The following HIPK2 variants were observed in gnomAD, a reference collection of about 807,000 sequenced individuals.
The protein encoded by HIPK2 is homeodomain interacting protein kinase 2.
HIPK2 carries 27 observed loss-of-function variants against 113.7 expected under a neutral mutation model. The ratio of observed to expected loss-of-function variants is 0.24; its 90% CI spans 0.17 to 0.33. HIPK2 has a LOEUF of 0.33. HIPK2 is among the 10% of genes least tolerant of loss of function. The pLI, the probability that HIPK2 is intolerant of heterozygous loss-of-function variation, is 1.00. For synonymous variants in HIPK2, 631 were observed against 642.2 expected (o/e 0.98, Z 0.26); for missense variants, 1,257 against 1,588.0 (o/e 0.79, Z 3.54).
chr7:139,632,834 T>C (rs4732393), intron 2 of HIPK2, among the ~76,000 whole-genome samples: 35,069 of 151,936 alleles, frequency 0.23, 5,224 homozygotes, highest in Non-Finnish European at 0.34. Flanking sequence ...TCCCAGCACT[T>C]TGGGAAGCTG....
At chr7:139,752,977 C>A (rs78366882) in intron 1 of HIPK2, among the ~76,000 whole-genome samples, 16,941 of 152,254 alleles carry the variant, frequency 0.11, 1,141 homozygotes, top group Non-Finnish European at 0.16. Flanking sequence ...ACTGGGAAAT[C>A]AATTCCCAGT....
chr7:139,651,250 T>C (rs2116470021), intron 2 of HIPK2, among the ~76,000 whole-genome samples: 1 of 152,252 alleles, frequency 6.6e-6, no homozygotes, highest in Non-Finnish European at 1.5e-5. Flanking sequence ...TGAGGAGGAC[T>C]TCCAAGCACC....
In HIPK2 at chr7:139,606,579, G is replaced by A. The variant is rs532002374; in HGVS notation, c.2113-2356C>T. Among the ~76,000 whole-genome samples, 3 of 152,280 alleles carry A rather than the reference G, an allele frequency of 2.0e-5. No individual in the cohort carries two copies. In the South Asian group the frequency reaches 6.2e-4, roughly 32 times the overall value. On this transcript the variant is annotated intron_variant, in intron 9 of 14. Coordinates refer to ENST00000406875, the MANE Select transcript of HIPK2 (RefSeq NM_022740.5). Reference sequence around the variant, plus strand: ...ACAGACTGAAGGAATCTAAGATCAGGTCTTCATTTCCCCTTAGTTCCCAGA... The same window carrying A: ...ACAGACTGAAGGAATCTAAGATCAGATCTTCATTTCCCCTTAGTTCCCAGA...
At chr7:139,575,575 AAGGCC>A (rs1462841643) in intron 13 of HIPK2, among the ~76,000 whole-genome samples, 1 of 152,222 alleles carries the variant, frequency 6.6e-6, no homozygotes, top group African/African-American at 2.4e-5. Flanking sequence ...CTGGTGGCCT[AAGGCC>A]AGGCCCAGTG....
intron 13 of HIPK2, among the ~76,000 whole-genome samples, chr7:139,581,689 AG>A (rs1798674149): frequency 6.6e-6 from 1 of 152,190 alleles, no homozygotes; most frequent in African/African-American, 2.4e-5. Flanking sequence ...ACTGGGCTCC[AG>A]GGAGCTGAGG....
intron 1 of HIPK2, among the ~76,000 whole-genome samples, chr7:139,738,255 T>G (rs548350825): frequency 6.9e-4 from 105 of 152,374 alleles, no homozygotes; most frequent in African/African-American, 2.5e-3. Context: ...TTCTCTTCAG[T>G]TGATCTCTGT....
chr7:139,654,741 C>G (rs927219086), intron 2 of HIPK2, among the ~76,000 whole-genome samples: 5 of 152,104 alleles, frequency 3.3e-5, no homozygotes, highest in African/African-American at 1.2e-4. Flanking sequence ...TGGACGCTCA[C>G]GAGTCCAGCC....
intron 7 of HIPK2, among the ~76,000 whole-genome samples, chr7:139,616,909 A>G (rs1800068169): frequency 6.6e-6 from 1 of 152,224 alleles, no homozygotes; most frequent in Non-Finnish European, 1.5e-5. Context: ...TTTTGCTTAC[A>G]GCCTGTCTCA....
intron 1 of HIPK2, among the ~76,000 whole-genome samples, chr7:139,720,899 C>T (rs771181697): frequency 1.9e-4 from 29 of 152,152 alleles, no homozygotes; most frequent in Non-Finnish European, 3.4e-4. Context: ...AGGCCGTCCA[C>T]GGTGCAGAAG....
At chr7:139,766,538 T>C (rs760303587) in intron 1 of HIPK2, among the ~76,000 whole-genome samples, 5 of 152,134 alleles carry the variant, frequency 3.3e-5, no homozygotes, top group African/African-American at 9.7e-5. Flanking sequence ...GTCTCCAGCT[T>C]GATTGCCTCT....
intron 1 of HIPK2, among the ~76,000 whole-genome samples, chr7:139,751,819 G>A (rs1211559481): frequency 1.3e-5 from 2 of 152,134 alleles, no homozygotes; most frequent in African/African-American, 2.4e-5. Flanking sequence ...TTCTCCCAGG[G>A]ATCATGTTAA....
At position 139,594,443 on chromosome 7, in the gene HIPK2, T is replaced by C. The variant is rs556226554; in HGVS notation, c.2717+2274A>G. Among the ~76,000 whole-genome samples, 79 of 152,290 alleles carry C rather than the reference T, an allele frequency of 5.2e-4. 1 individual carries two copies. Among genetic ancestry groups the C allele is most frequent in the African/African-American group, 1.8e-3 (73 of 41,570 alleles). On this transcript the variant is annotated intron_variant, in intron 12 of 14. Coordinates refer to ENST00000406875, the MANE Select transcript of HIPK2 (RefSeq NM_022740.5). ...AATTCTGACTTCTAAGAACAAGTAA[T>C]CATATTTCCCCACATTTTTTTTTTC...
intron 6 of HIPK2, among the ~76,000 whole-genome samples, chr7:139,625,146 G>A (rs1200745319): frequency 6.6e-6 from 1 of 152,072 alleles, no homozygotes; most frequent in African/African-American, 2.4e-5. Flanking sequence ...GCCCATCCCT[G>A]TGCTCTGAAC....
intron 10 of HIPK2, 47 bp downstream of exon 10, chr7:139,604,034 T>C (rs1248341535): frequency 6.2e-7 from 1 of 1,612,086 alleles, no homozygotes; most frequent in African/African-American, 1.3e-5. Flanking sequence ...TGGACGTGCC[T>C]CCCATCCCAG....
In HIPK2 at chr7:139,562,846, G is replaced by C. The variant is rs1797985737; in HGVS notation, c.*10081C>G. 6.6e-6 allele frequency: 1 copy of C among 152,198 alleles called. No individual in the cohort carries two copies. The highest frequency in any genetic ancestry group is 2.4e-5 in the African/African-American group (1 of 41,438). The allele number at this position is 152,198 out of a possible 1,614,324, so 9.4% of individuals were successfully genotyped here. On this transcript the variant is annotated 3_prime_UTR_variant, in exon 15 of 15. Coordinates refer to ENST00000406875, the MANE Select transcript of HIPK2 (RefSeq NM_022740.5). Reference sequence around the variant, plus strand: ...ATACTTCTCCTATCCAATTTGGTTTGATATATATACACAAACATATATATC... The same window carrying C: ...ATACTTCTCCTATCCAATTTGGTTTCATATATATACACAAACATATATATC...
chr7:139,592,709 A>T (rs534066667), intron 12 of HIPK2, among the ~76,000 whole-genome samples: 1 of 152,266 alleles, frequency 6.6e-6, no homozygotes, highest in African/African-American at 2.4e-5. Context: ...AGAGTCCAGG[A>T]GAGAAAAGAT....
At chr7:139,709,791 TG>T (rs1250499607) in intron 2 of HIPK2, among the ~76,000 whole-genome samples, 1 of 152,192 alleles carries the variant, frequency 6.6e-6, no homozygotes, top group Non-Finnish European at 1.5e-5. Flanking sequence ...TTTATAGCAG[TG>T]GTGGGATTTG....
intron 1 of HIPK2, among the ~76,000 whole-genome samples, chr7:139,761,466 A>C (rs756815971): frequency 2.6e-5 from 4 of 152,214 alleles, no homozygotes; most frequent in African/African-American, 9.6e-5. Flanking sequence ...AGTGAAGCAC[A>C]CTGAATTAGC....
chr7:139,662,596 G>C (rs1178586503), intron 2 of HIPK2, among the ~76,000 whole-genome samples: 1 of 151,290 alleles, frequency 6.6e-6, no homozygotes, highest in Non-Finnish European at 1.5e-5. Context: ...CGACTGCCAG[G>C]CGAAGTTTCC....
Sources: gnomAD v4.1 joint callset for allele counts (sites outside exome capture counted in the v4.1 genomes callset) on GRCh38, gnomAD v4.1.1 for gene constraint, MANE v1.5 for transcripts, NCBI Gene and HGNC (gene_info 2026-07-23, HGNC 2026-07-21) for gene names.